The following MBD1 variants were observed in gnomAD, a reference collection of about 807,000 sequenced individuals.
MBD1 encodes methyl-CpG binding domain protein 1.
A neutral mutation model predicts 82.6 loss-of-function variants in MBD1; 25 were observed. The ratio of observed to expected loss-of-function variants is 0.30; its 90% CI spans 0.22 to 0.42. MBD1 has a LOEUF of 0.42. MBD1 is among the 10% of genes least tolerant of loss of function. MBD1 has a pLI of 1.00. For missense variants in MBD1, 627 were observed against 819.6 expected (o/e 0.76, Z 2.87); for synonymous variants, 301 against 303.7 (o/e 0.99, Z 0.09).
Position 50,273,618 on chromosome 18 carries a change from G to T in MBD1, c.1392C>A (p.Ser464Arg). The change falls in exon 12 of 17, where the codon AGC (serine) becomes AGA (arginine). Residue 464 changes from serine to arginine, a missense_variant. By Grantham distance (110) the Ser-to-Arg change is moderately radical. Transcript: ENST00000269468. ...TDLVFLREGASSPVQVPGPVA... is the reference protein window; with the variant it reads ...TDLVFLREGARSPVQVPGPVA... ...CAGGGCCCGGCACCTGCACAGGACT[G>T]CTTGCGCCTTCCCGTAAAAACACAA... 1 of 1,613,430 alleles carries T rather than the reference G, an allele frequency of 6.2e-7. No homozygotes were observed. The highest frequency in any genetic ancestry group is 8.5e-7 in the Non-Finnish European group (1 of 1,180,030).
At chr18:50,278,719 T>G (rs1353492773) in intron 2 of MBD1, among the ~76,000 whole-genome samples, 1 of 152,246 alleles carries the variant, frequency 6.6e-6, no homozygotes, top group African/African-American at 2.4e-5. Context: ...GGTAGTTACG[T>G]TCTACAAAGC....
rs375085178 is a variant in MBD1 at position 50,275,113 on chromosome 18, C to T, written c.909+16G>A. On this transcript the variant is annotated intron_variant, in intron 9 of 16. Transcript: ENST00000269468. ...AGGTCAGGGTTGTGCCTTCCCTCCA[C>T]CCACTGGGGCCTCACCGGCTCTGTG... is the stretch of plus-strand genomic sequence containing the variant. The T allele has an allele frequency of 1.9e-6, 3 of 1,613,362 alleles. No individual in the cohort carries two copies. The highest frequency in any genetic ancestry group is 2.5e-6 in the Non-Finnish European group (3 of 1,179,480).
chr18:50,277,033 G>C (rs1403228583), intron 3 of MBD1, 35 bp from the exon 4 acceptor site: 3 of 1,614,190 alleles, frequency 1.9e-6, no homozygotes, highest in Non-Finnish European at 1.7e-6. Context: ...ATGGGTCAGT[G>C]GTTGGGTGTT....
At position 50,272,732 on chromosome 18, in the gene MBD1, C is replaced by A; in HGVS notation, c.1723G>T (p.Glu575Ter). ...CGGGTTCCACCCAGGCTGAAAATCTCCGTGATCTAGAGAAGAATTAACACC... is the reference window on the plus strand; with the variant it reads ...CGGGTTCCACCCAGGCTGAAAATCTACGTGATCTAGAGAAGAATTAACACC... ...AGGAGTPVITEIFSLGGTRFR... is the reference protein window; with the variant it reads ...AGGAGTPVIT Residue 575 changes from glutamate (E) to a stop codon, truncating the protein, a stop_gained, in exon 15 of 17, where the codon GAG becomes TAG. Coordinates refer to ENST00000269468, the MANE Select transcript of MBD1 (RefSeq NM_015846.4). LOFTEE classifies it high-confidence loss of function. 1.9e-6 allele frequency: 3 copies of A among 1,614,240 alleles called. No homozygotes were observed. The highest frequency in any genetic ancestry group is 2.5e-6 in the Non-Finnish European group (3 of 1,180,042).
At chr18:50,270,291 A>T in intron 16 of MBD1, 1 of 827,428 alleles carries the variant, frequency 1.2e-6, no homozygotes, top group Non-Finnish European at 2.1e-6. Flanking sequence ...TACAAAGTTT[A>T]AGGAGGCACT....
chr18:50,277,316 G>A (rs2038333909), intron 2 of MBD1, 112 bp from the exon 3 acceptor site: 7 of 697,694 alleles, frequency 1.0e-5, no homozygotes, highest in Non-Finnish European at 1.6e-5. Context: ...ATTGGCTTGT[G>A]AGCCCTGCCC....
At position 50,275,875 on chromosome 18, in the gene MBD1, C is replaced by T. The variant is rs2037655938; in HGVS notation, c.623G>A (p.Cys208Tyr). The change falls in exon 7 of 17, where the codon TGC (cysteine) becomes TAC (tyrosine). Residue 208 changes from cysteine (C) to tyrosine (Y), a missense_variant. This residue lies in a region of MBD1 where 228 missense variants were observed against 318.1 expected (regional missense o/e 0.72). Coordinates refer to ENST00000269468, the MANE Select transcript of MBD1 (RefSeq NM_015846.4). ...LPHDVASGLF[C>Y]KCERRRCLRI... The stretch of plus-strand genomic sequence containing the variant: ...GAGGCAGCGTCTCCGTTCACACTTG[C>T]AGAACAGCCCCGATGCCACATCATG... 2 of 1,614,210 alleles carry T rather than the reference C, an allele frequency of 1.2e-6. No homozygotes were observed. The highest frequency in any genetic ancestry group is 1.7e-6 in the Non-Finnish European group (2 of 1,180,034).
In MBD1 at chr18:50,272,744, G is replaced by A. The variant is rs372650562; in HGVS notation, c.1717-6C>T. 3.8e-5 allele frequency: 61 copies of A among 1,614,080 alleles called. No individual in the cohort carries two copies. The highest frequency in any genetic ancestry group is 4.7e-5 in the Non-Finnish European group (56 of 1,180,052). On this transcript the variant is annotated splice_region_variant and splice_polypyrimidine_tract_variant and intron_variant, in intron 14 of 16. Coordinates refer to ENST00000269468, the MANE Select transcript of MBD1 (RefSeq NM_015846.4). ...AGGCTGAAAATCTCCGTGATCTAGA[G>A]AAGAATTAACACCATAGGTCAATGT... is the stretch of plus-strand genomic sequence containing the variant.
chr18:50,279,001 C>A (rs986030097), intron 2 of MBD1, among the ~76,000 whole-genome samples: 3 of 152,344 alleles, frequency 2.0e-5, no homozygotes, highest in South Asian at 4.1e-4. Context: ...CACACAACCC[C>A]TTTCCTGTAC....
In MBD1 at chr18:50,269,242, A is replaced by G. The variant is rs1175961857; in HGVS notation, c.*609T>C. Reference sequence around the variant, plus strand: ...AATCACCATGAAATCCATGGTCTTCAGCTTTGCATTTTCAGCCACATAGTT... The same window carrying G: ...AATCACCATGAAATCCATGGTCTTCGGCTTTGCATTTTCAGCCACATAGTT... On this transcript the variant is annotated 3_prime_UTR_variant, in exon 17 of 17. Transcript: ENST00000269468. 13 of 1,114,230 alleles carry G rather than the reference A, an allele frequency of 1.2e-5. No individual in the cohort carries two copies. The highest frequency in any genetic ancestry group is 9.5e-5 in the Admixed American group (2 of 21,126). The allele number at this position is 1,114,230 out of a possible 1,614,324, so 69.0% of individuals were successfully genotyped here.
rs2037479742 is a variant in MBD1 at position 50,275,517 on chromosome 18, T to A, written c.792+83A>T. 6.2e-6 allele frequency: 10 copies of A among 1,608,038 alleles called. No individual in the cohort carries two copies. In the East Asian group the frequency reaches 2.2e-4, roughly 36 times the overall value. On this transcript the variant is annotated intron_variant, in intron 8 of 16. Transcript: ENST00000269468. ...TTAGGCAGAAAAGAAAGACATGAGGTAGGCAAGGCCAGGTTGAAAGGAAGC... is the reference window on the plus strand; with the variant it reads ...TTAGGCAGAAAAGAAAGACATGAGGAAGGCAAGGCCAGGTTGAAAGGAAGC...
At chr18:50,270,059 A>G (rs765934507) in intron 16 of MBD1, 3 of 1,598,000 alleles carry the variant, frequency 1.9e-6, no homozygotes, top group East Asian at 2.2e-5. Context: ...CAAAATTACC[A>G]GAATACTGGG....
intron 8 of MBD1, 116 bp downstream of exon 8, chr18:50,275,484 G>A (rs1474701553): frequency 1.3e-6 from 2 of 1,596,700 alleles, no homozygotes; most frequent in Non-Finnish European, 1.7e-6. Context: ...AGAAAGGCGA[G>A]CATAGGGTTA....
At chr18:50,276,174 C>T (rs536080871) in intron 6 of MBD1, 193 bp from the exon 7 acceptor site, 3 of 830,086 alleles carry the variant, frequency 3.6e-6, no homozygotes, top group African/African-American at 3.3e-5. Context: ...CTGTTCACTT[C>T]ATCACTGTGT....
intron 10 of MBD1, 138 bp from the exon 11 acceptor site, chr18:50,274,491 T>C: frequency 1.1e-6 from 1 of 874,694 alleles, no homozygotes; most frequent in Non-Finnish European, 1.7e-6. Context: ...GCCTCCTGAC[T>C]CCCCACTAGT....
In MBD1 at chr18:50,271,514, G is replaced by C. The variant is rs766856646; in HGVS notation, c.1805C>G (p.Ala602Gly). ...PRSKDLKKPG[A>G]RKQ ...GAAGCCTCCAGTCTACTGCTTTCTA[G>C]CTCCAGGTTTTTTAAGGTCTTTGGA... The change falls in exon 16 of 17, where the codon GCT (alanine) becomes GGT (glycine). Residue 602 changes from alanine to glycine, a missense_variant. Around this residue, in one of 6 missense-constraint regions of MBD1, gnomAD observed 265 missense variants for 278.4 expected, o/e 0.95. Coordinates refer to ENST00000269468, the MANE Select transcript of MBD1 (RefSeq NM_015846.4). 1 of 1,614,160 alleles carries C rather than the reference G, an allele frequency of 6.2e-7. No homozygotes were observed. The highest frequency in any genetic ancestry group is 2.2e-5 in the East Asian group (1 of 44,884).
downstream of MBD1, chr18:50,268,799 C>T (rs1294776468): frequency 1.9e-6 from 1 of 528,170 alleles, no homozygotes; most frequent in Non-Finnish European, 2.4e-6. Context: ...AGGCAGTCAA[C>T]ACTGTTCCCA....
At chr18:50,272,992 C>A (rs368746173) in intron 13 of MBD1, 37 bp from the exon 14 acceptor site, 4 of 1,613,452 alleles carry the variant, frequency 2.5e-6, no homozygotes, top group African/African-American at 1.3e-5. Flanking sequence ...ATTAGAAGGG[C>A]AGAGTTCACC....
Position 50,271,456 on chromosome 18 carries a change from C to T in MBD1, c.*32+13G>A. The T allele has an allele frequency of 6.2e-7, 1 of 1,614,134 alleles. No homozygotes were observed. The highest frequency in any genetic ancestry group is 8.5e-7 in the Non-Finnish European group (1 of 1,180,022). On this transcript the variant is annotated intron_variant, in intron 16 of 16. Coordinates refer to ENST00000269468, the MANE Select transcript of MBD1 (RefSeq NM_015846.4). Reference sequence around the variant, plus strand: ...CAGTGTTGTCTCTCATAAAGCCAGTCTGCAAATATCACCTTGAATCCTACA... The same window carrying T: ...CAGTGTTGTCTCTCATAAAGCCAGTTTGCAAATATCACCTTGAATCCTACA...
Sources: allele counts gnomAD v4.1 joint callset (sites outside exome capture counted in the v4.1 genomes callset), GRCh38; gene constraint gnomAD v4.1.1; regional missense constraint gnomAD v4.1.1; transcripts MANE v1.5; gene names NCBI Gene and HGNC (gene_info 2026-07-23, HGNC 2026-07-21).